The following ERBB4 variants were observed in gnomAD, a reference collection of about 807,000 sequenced individuals.
ERBB4 encodes the protein receptor tyrosine-protein kinase erbB-4.
A neutral mutation model predicts 158.0 loss-of-function variants in ERBB4; 42 were observed. That is an observed-to-expected ratio of 0.27 (90% CI 0.21 to 0.34). The LOEUF is 0.34. ERBB4 is among the 10% of genes least tolerant of loss of function. ERBB4 has a pLI of 1.00. For missense variants in ERBB4, 1,333 were observed against 1,624.1 expected (o/e 0.82, Z 3.08); for synonymous variants, 583 against 558.7 (o/e 1.04, Z -0.61).
intron 3 of ERBB4, among the ~76,000 whole-genome samples, chr2:211,915,438 C>CATATAT (rs78546007): frequency 0.016 from 2,322 of 147,572 alleles, 69 homozygotes; most frequent in African/African-American, 0.053. Flanking sequence ...TCAAACATTA[C>CATATAT]ATATATATAT....
intron 1 of ERBB4, among the ~76,000 whole-genome samples, chr2:212,179,863 A>G (rs762128425): frequency 1.2e-4 from 18 of 151,658 alleles, no homozygotes; most frequent in Non-Finnish European, 2.2e-4. Flanking sequence ...TACATTTCTC[A>G]CATTATTTAT....
At chr2:211,622,482 T>C (rs2069641091) in intron 18 of ERBB4, among the ~76,000 whole-genome samples, 1 of 152,174 alleles carries the variant, frequency 6.6e-6, no homozygotes, top group Non-Finnish European at 1.5e-5. Context: ...ATTTTAAGGA[T>C]ATTAGATTAT....
intron 1 of ERBB4, among the ~76,000 whole-genome samples, chr2:212,511,918 A>T (rs1326818144): frequency 1.3e-5 from 2 of 152,100 alleles, no homozygotes; most frequent in African/African-American, 4.8e-5. Flanking sequence ...TGCCAGTTCC[A>T]GGTGTCATAT....
At chr2:212,332,155 A>G (rs1237849935) in intron 1 of ERBB4, among the ~76,000 whole-genome samples, 1 of 152,010 alleles carries the variant, frequency 6.6e-6, no homozygotes, top group Admixed American at 6.6e-5. Context: ...AGTGGGAGGT[A>G]ATTGAAATAT....
chr2:212,129,362 T>G lies in ERBB4; in HGVS notation c.83-4459A>C, dbSNP rs1361169267. Among the ~76,000 whole-genome samples, 3 of 151,532 alleles carry G rather than the reference T, an allele frequency of 2.0e-5. No individual in the cohort carries two copies. The East Asian group carries it at 5.8e-4, about 29-fold the overall frequency. On this transcript the variant is annotated intron_variant, in intron 1 of 27. Transcript: ENST00000342788. ...TGCATCTATTACTGTAACTGCAATATCTAGGTATTTTTGCATAATTCCCAT... is the reference window on the plus strand; with the variant it reads ...TGCATCTATTACTGTAACTGCAATAGCTAGGTATTTTTGCATAATTCCCAT...
intron 3 of ERBB4, among the ~76,000 whole-genome samples, chr2:211,824,430 G>C (rs949307665): frequency 6.6e-6 from 1 of 151,938 alleles, no homozygotes; most frequent in Non-Finnish European, 1.5e-5. Flanking sequence ...CAAAGTTCCA[G>C]AGCACGCTTC....
chr2:212,188,864 G>A (rs2082107336), intron 1 of ERBB4, among the ~76,000 whole-genome samples: 1 of 152,060 alleles, frequency 6.6e-6, no homozygotes, highest in Admixed American at 6.5e-5. Flanking sequence ...CATGAGAATA[G>A]AGACTCAAAG....
chr2:211,934,127 T>C (rs1362645829), intron 3 of ERBB4, among the ~76,000 whole-genome samples: 1 of 151,968 alleles, frequency 6.6e-6, no homozygotes, highest in African/African-American at 2.4e-5. Context: ...ACAAAGGGAA[T>C]TGAGTCTAAT....
intron 20 of ERBB4, among the ~76,000 whole-genome samples, chr2:211,437,420 AACAG>A (rs1327024264): frequency 6.6e-6 from 1 of 152,218 alleles, no homozygotes; most frequent in Non-Finnish European, 1.5e-5. Flanking sequence ...TATGGAAAAG[AACAG>A]AGAATGACTT....
At chr2:212,459,948 A>G (rs1471536420) in intron 1 of ERBB4, among the ~76,000 whole-genome samples, 1 of 152,196 alleles carries the variant, frequency 6.6e-6, no homozygotes, top group Non-Finnish European at 1.5e-5. Context: ...CCCAAATCTC[A>G]TCTTGAATTC....
chr2:212,230,583 A>G (rs917450904), intron 1 of ERBB4, among the ~76,000 whole-genome samples: 3 of 152,212 alleles, frequency 2.0e-5, no homozygotes, highest in African/African-American at 7.2e-5. Flanking sequence ...GAAAATATGT[A>G]CCACACAACT....
chr2:212,056,802 T>C (rs2077589077), intron 2 of ERBB4, among the ~76,000 whole-genome samples: 1 of 152,100 alleles, frequency 6.6e-6, no homozygotes, highest in African/African-American at 2.4e-5. Context: ...AAGGAACAAC[T>C]GGTATCAGCC....
At chr2:211,971,179 A>G (rs976911245) in intron 2 of ERBB4, among the ~76,000 whole-genome samples, 1 of 152,132 alleles carries the variant, frequency 6.6e-6, no homozygotes, top group African/African-American at 2.4e-5. Flanking sequence ...AATTTCTTTT[A>G]TTTAAGAATG....
rs1217270481 is a variant in ERBB4, at chr2:212,003,112, A to AGAAGGAAGGAAG, written c.235-55508_235-55497dup. On this transcript the variant is annotated intron_variant, in intron 2 of 27. Transcript: ENST00000342788. ...GAGAGACAGAGACAGAAAGAAAGAA[A>AGAAGGAAGGAAG]GAAGGAAGGAAGGAAGGAAGGAAGG... Among the ~76,000 whole-genome samples, 358 of 48,176 alleles carry AGAAGGAAGGAAG rather than the reference A, an allele frequency of 7.4e-3. 19 individuals are homozygous for AGAAGGAAGGAAG. The highest frequency in any genetic ancestry group is 0.02 in the East Asian group (23 of 1,176). The allele number at this position is 48,176 out of a possible 152,430, so 31.6% of individuals were successfully genotyped here.
At chr2:212,320,025 C>A (rs2087486420) in intron 1 of ERBB4, among the ~76,000 whole-genome samples, 2 of 149,888 alleles carry the variant, frequency 1.3e-5, no homozygotes, top group African/African-American at 2.4e-5. Flanking sequence ...CCATACAGCC[C>A]CAAAGCAGTT....
chr2:211,593,460 A>G (rs1281635791), intron 19 of ERBB4, among the ~76,000 whole-genome samples: 1 of 152,086 alleles, frequency 6.6e-6, no homozygotes, highest in African/African-American at 2.4e-5. Flanking sequence ...TATCCAAACC[A>G]AATCCACATC....
At chr2:211,476,318 A>T (rs376489523) in intron 20 of ERBB4, among the ~76,000 whole-genome samples, 1 of 152,140 alleles carries the variant, frequency 6.6e-6, no homozygotes, top group African/African-American at 2.4e-5. Flanking sequence ...GGTTTGATAG[A>T]CATTGAGTGC....
chr2:211,785,599 T>C (rs139549548), intron 4 of ERBB4, among the ~76,000 whole-genome samples: 2 of 152,176 alleles, frequency 1.3e-5, no homozygotes, highest in East Asian at 1.9e-4. Context: ...TTTTTGAACA[T>C]GGCATATGAT....
intron 16 of ERBB4, among the ~76,000 whole-genome samples, chr2:211,639,171 C>T (rs1046851043): frequency 1.9e-4 from 29 of 151,948 alleles, no homozygotes; most frequent in African/African-American, 2.9e-4. Context: ...AATACAGTAA[C>T]TTTATTATTG....
Sources: allele counts gnomAD v4.1 joint callset (sites outside exome capture counted in the v4.1 genomes callset), GRCh38; gene constraint gnomAD v4.1.1; transcripts MANE v1.5; gene names NCBI Gene and HGNC (gene_info 2026-07-23, HGNC 2026-07-21).